The following PRUNE2 variants were observed in gnomAD, a reference collection of about 807,000 sequenced individuals.
PRUNE2 encodes protein prune homolog 2.
A neutral mutation model predicts 252.0 loss-of-function variants in PRUNE2; 164 were observed. The ratio of observed to expected loss-of-function variants is 0.65; its 90% CI spans 0.57 to 0.74. The LOEUF (loss-of-function observed/expected upper bound fraction) is 0.74, where lower values mean the gene tolerates loss of function less well. Among genes scored for constraint, PRUNE2 ranks in the 30% least tolerant of loss-of-function variants. PRUNE2 has a pLI of 0.00. For missense variants in PRUNE2, 3,495 were observed against 3,711.0 expected (o/e 0.94, Z 1.51); for synonymous variants, 1,292 against 1,350.2 (o/e 0.96, Z 0.94).
At chr9:76,647,227 A>G (rs905515839) in intron 11 of PRUNE2, among the ~76,000 whole-genome samples, 31 of 152,226 alleles carry the variant, frequency 2.0e-4, no homozygotes, top group African/African-American at 7.5e-4. Flanking sequence ...AGTAAAACAC[A>G]TATCACATAA....
chr9:76,887,028 T>A (rs146924881), intron 1 of PRUNE2, among the ~76,000 whole-genome samples: 55 of 152,334 alleles, frequency 3.6e-4, no homozygotes, highest in African/African-American at 1.3e-3. Flanking sequence ...AACTTTATCT[T>A]CAGAATCCCT....
chr9:76,644,494 C>T (rs1371174753), intron 12 of PRUNE2: 3 of 577,438 alleles, frequency 5.2e-6, no homozygotes, highest in South Asian at 3.4e-5. Flanking sequence ...ACAAGATGAT[C>T]GCTATCAGAT....
chr9:76,851,729 A>G (rs1282454675), intron 2 of PRUNE2, among the ~76,000 whole-genome samples: 1 of 152,216 alleles, frequency 6.6e-6, no homozygotes, highest in Non-Finnish European at 1.5e-5. Context: ...CGTGATCTCT[A>G]TTGATTTCTT....
chr9:76,641,787 T>C (rs1842692589), intron 12 of PRUNE2, among the ~76,000 whole-genome samples: 1 of 151,870 alleles, frequency 6.6e-6, no homozygotes, highest in Non-Finnish European at 1.5e-5. Context: ...ACGCAAACCT[T>C]ACCTGAGTGA....
In PRUNE2 at chr9:76,708,844, C is replaced by G. The variant is rs1057078299; in HGVS notation, c.3430G>C (p.Gly1144Arg). ...TGACCATCACTGGGGATTGCCGCAC[C>G]CCCACTGCAGTCATCCCAGTCCAAA... Reference protein sequence around the residue: ...NDLDWDDCSGGAAIPSDGQTE... With the variant: ...NDLDWDDCSGRAAIPSDGQTE... The change falls in exon 8 of 19, where the codon GGT becomes CGT. Residue 1144 changes from glycine to arginine, a missense_variant. By Grantham distance (125) the Gly-to-Arg change is moderately radical (BLOSUM62 -2). Coordinates refer to ENST00000376718, the MANE Select transcript of PRUNE2 (RefSeq NM_015225.3). The G allele has an allele frequency of 1.2e-6, 2 of 1,613,964 alleles. No individual in the cohort carries two copies. The highest frequency in any genetic ancestry group is 1.7e-6 in the Non-Finnish European group (2 of 1,179,902).
chr9:76,669,427 C>T (rs1212105543), intron 9 of PRUNE2, among the ~76,000 whole-genome samples: 1 of 152,134 alleles, frequency 6.6e-6, no homozygotes, highest in Non-Finnish European at 1.5e-5. Flanking sequence ...TCAAGTGATT[C>T]TCCTGCCTCA....
At chr9:76,712,759 G>T (rs1368011237) in intron 7 of PRUNE2, among the ~76,000 whole-genome samples, 1 of 152,174 alleles carries the variant, frequency 6.6e-6, no homozygotes, top group Non-Finnish European at 1.5e-5. Flanking sequence ...TGGTGATGCA[G>T]GTCAGAGGAG....
chr9:76,755,494 G>A (rs1400381943), intron 6 of PRUNE2, among the ~76,000 whole-genome samples: 1 of 152,140 alleles, frequency 6.6e-6, no homozygotes, highest in Non-Finnish European at 1.5e-5. Context: ...AAGCATTCAA[G>A]AAGCTACACT....
chr9:76,781,726 A>C (rs967768722), intron 6 of PRUNE2, among the ~76,000 whole-genome samples: 10 of 152,330 alleles, frequency 6.6e-5, no homozygotes, highest in African/African-American at 2.4e-4. Flanking sequence ...AATTATGTGT[A>C]TTTTAGTTCC....
chr9:76,746,681 C>T (rs542649760), intron 6 of PRUNE2, among the ~76,000 whole-genome samples: 2 of 134,480 alleles, frequency 1.5e-5, no homozygotes, highest in East Asian at 2.2e-4. Context: ...GTCCGCAGTC[C>T]GGCCTGGGCA....
chr9:76,660,522 G>A (rs1377144733), intron 9 of PRUNE2, among the ~76,000 whole-genome samples: 2 of 152,052 alleles, frequency 1.3e-5, no homozygotes, highest in East Asian at 1.9e-4. Flanking sequence ...GGTGGCTCAC[G>A]CCTGTAATCC....
At chr9:76,807,854 C>T (rs1476500958) in intron 6 of PRUNE2, among the ~76,000 whole-genome samples, 1 of 152,334 alleles carries the variant, frequency 6.6e-6, no homozygotes, top group East Asian at 1.9e-4. Context: ...CGAGCACATA[C>T]TGATGTCTGT....
At chr9:76,643,164 C>T (rs1436046907) in intron 12 of PRUNE2, among the ~76,000 whole-genome samples, 1 of 152,020 alleles carries the variant, frequency 6.6e-6, no homozygotes, top group Non-Finnish European at 1.5e-5. Flanking sequence ...CAACAGCCCA[C>T]CTAAAGAACA....
Position 76,705,468 on chromosome 9 carries a change from C to T in PRUNE2, c.6806G>A (p.Gly2269Asp), listed in dbSNP as rs778101984. ...ATTCTCTGTGGATAAATGTGGATCACCATCAAACAAAGCTCTTGCACCAGG... is the reference window on the plus strand; with the variant it reads ...ATTCTCTGTGGATAAATGTGGATCATCATCAAACAAAGCTCTTGCACCAGG... The part of the protein sequence containing the change: ...SQPGARALFD[G>D]DPHLSTENPA... Residue 2269 changes from glycine (G) to aspartate (D), a missense_variant, in exon 8 of 19, where the codon GGT (glycine) becomes GAT (aspartate). Physicochemically the swap from Gly to Asp is moderately conservative, Grantham distance 94. Transcript: ENST00000376718. 4.5e-5 allele frequency: 72 copies of T among 1,613,824 alleles called. No individual in the cohort carries two copies. In the East Asian group the frequency reaches 1.5e-3, roughly 33 times the overall value.
At chr9:76,752,161 A>C (rs1277307633) in intron 6 of PRUNE2, among the ~76,000 whole-genome samples, 2 of 150,630 alleles carry the variant, frequency 1.3e-5, no homozygotes, top group Non-Finnish European at 2.9e-5. Context: ...GCAATGGTGC[A>C]ATCTCGGCTC....
intron 8 of PRUNE2, 59 bp from the exon 9 acceptor site, chr9:76,704,158 G>A (rs2046122834): frequency 8.4e-7 from 1 of 1,183,718 alleles, no homozygotes; most frequent in Non-Finnish European, 1.2e-6. Flanking sequence ...CACATTGTGT[G>A]ATTTGTGATC....
At chr9:76,787,518 CACAT>C (rs1388452730) in intron 6 of PRUNE2, 1 of 152,098 alleles carries the variant, frequency 6.6e-6, no homozygotes, top group African/African-American at 2.4e-5. Context: ...AACAAACCTA[CACAT>C]TCTGCACATG....
chr9:76,699,044 A>G (rs796449840), intron 9 of PRUNE2, among the ~76,000 whole-genome samples: 1 of 23,460 alleles, frequency 4.3e-5, no homozygotes, highest in East Asian at 3.0e-3. Context: ...CCCCACCCCC[A>G]CCCCCTCCCT....
At position 76,705,999 on chromosome 9, in the gene PRUNE2, T is replaced by C. The variant is rs1414157373; in HGVS notation, c.6275A>G (p.His2092Arg). The C allele has an allele frequency of 3.1e-6, 5 of 1,613,924 alleles. No homozygotes were observed. The Admixed American group carries it at 5.0e-5, about 16-fold the overall frequency. ...ADGENPDILT[H>R]CEHDSNSQAS... The stretch of plus-strand genomic sequence containing the variant: ...CTGAGAATTGCTGTCATGTTCGCAG[T>C]GCGTCAGGATATCAGGATTCTCACC... Residue 2092 changes from histidine (H) to arginine (R), a missense_variant, in exon 8 of 19, where the codon CAC becomes CGC. His to Arg is a conservative substitution (Grantham distance 29, BLOSUM62 0). Transcript: ENST00000376718.
Sources: allele counts gnomAD v4.1 joint callset (sites outside exome capture counted in the v4.1 genomes callset), GRCh38; gene constraint gnomAD v4.1.1; transcripts MANE v1.5; gene names NCBI Gene and HGNC (gene_info 2026-07-23, HGNC 2026-07-21).